Variants in KLF12 observed in about 807,000 individuals in gnomAD.
KLF12 encodes the protein Krueppel-like factor 12.
A neutral mutation model predicts 37.8 loss-of-function variants in KLF12; 9 were observed. The ratio of observed to expected loss-of-function variants is 0.24; its 90% CI spans 0.14 to 0.42. The LOEUF is 0.42. KLF12 is among the 10% of genes least tolerant of loss of function. The probability of loss-of-function intolerance (pLI) is 1.00; values close to 1 mark genes in which losing one functional copy is unlikely to be tolerated. For synonymous variants in KLF12, 208 were observed against 202.1 expected, an observed-to-expected ratio of 1.03 and a Z score of -0.25; for missense variants, 411 against 516.0, an observed-to-expected ratio of 0.80 and a Z score of 1.97.
At chr13:73,699,746 G>A (rs1874410431) in intron 7 of KLF12, among the ~76,000 whole-genome samples, 1 of 152,160 alleles carries the variant, frequency 6.6e-6, no homozygotes. Context: ...TGAGATGTTT[G>A]GAACTGTTTC....
At chr13:73,989,460 G>A (rs373149046) in intron 2 of KLF12, among the ~76,000 whole-genome samples, 23 of 152,180 alleles carry the variant, frequency 1.5e-4, no homozygotes, top group African/African-American at 5.3e-4. Context: ...CAAACACACA[G>A]GCACTGCCTT....
chr13:73,899,524 A>C (rs1036747579), intron 3 of KLF12, among the ~76,000 whole-genome samples: 5 of 152,204 alleles, frequency 3.3e-5, no homozygotes, highest in African/African-American at 9.7e-5. Context: ...TGGCTTAAGG[A>C]ATATGCAGAC....
At chr13:73,733,545 C>T (rs942848745) in intron 6 of KLF12, among the ~76,000 whole-genome samples, 1 of 150,584 alleles carries the variant, frequency 6.6e-6, no homozygotes, top group African/African-American at 2.5e-5. Context: ...CACATGCACA[C>T]TCACACACAC....
intron 6 of KLF12, among the ~76,000 whole-genome samples, chr13:73,722,834 C>T (rs1876369873): frequency 6.6e-6 from 1 of 152,114 alleles, no homozygotes. Context: ...TATTGTTTTA[C>T]TTTAATAAAC....
At chr13:74,089,484 T>C (rs910101373) in intron 1 of KLF12, among the ~76,000 whole-genome samples, 7 of 152,102 alleles carry the variant, frequency 4.6e-5, no homozygotes, top group African/African-American at 1.7e-4. Flanking sequence ...ATTTAAAAAT[T>C]GTGACAAAGA....
intron 4 of KLF12, among the ~76,000 whole-genome samples, chr13:73,840,334 T>C (rs1174825554): frequency 1.3e-5 from 2 of 152,110 alleles, no homozygotes; most frequent in Non-Finnish European, 2.9e-5. Flanking sequence ...CTTCTCCTTC[T>C]CCATTTGGCT....
intron 2 of KLF12, among the ~76,000 whole-genome samples, chr13:73,950,189 A>G (rs1890593054): frequency 1.3e-5 from 2 of 152,182 alleles, no homozygotes; most frequent in South Asian, 2.1e-4. Context: ...TTATACTAAT[A>G]TTTTAAAAAA....
At chr13:73,730,633 T>C (rs1226684375) in intron 6 of KLF12, among the ~76,000 whole-genome samples, 1 of 151,936 alleles carries the variant, frequency 6.6e-6, no homozygotes, top group Admixed American at 6.6e-5. Flanking sequence ...CTGATTCTGT[T>C]TGGAAAGTCA....
rs145728524 is a variant in KLF12 at position 73,799,649 on chromosome 13, T to C, written c.806+13503A>G. Among the ~76,000 whole-genome samples the C allele has an allele frequency of 1.3e-3, 197 of 152,288 alleles. 1 individual carries two copies. Among genetic ancestry groups the C allele is most frequent in the African/African-American group, 4.4e-3 (183 of 41,576 alleles). On this transcript the variant is annotated intron_variant, in intron 5 of 7. Transcript: ENST00000377669. ...TCACCCTACAATGTAATGTACCCAA[T>C]AAAAGATGACAGAAGGATATTTTAA...
At chr13:74,044,028 T>C (rs999995478) in intron 1 of KLF12, among the ~76,000 whole-genome samples, 2 of 152,338 alleles carry the variant, frequency 1.3e-5, no homozygotes, top group African/African-American at 4.8e-5. Context: ...AATAAATAAT[T>C]TCTCCAGTCA....
the KLF12 span, among the ~76,000 whole-genome samples, chr13:74,163,825 A>G: frequency 1.4e-4 from 14 of 101,970 alleles, no homozygotes; most frequent in South Asian, 6.2e-3. Flanking sequence ...GTATCAAAAC[A>G]TCTTGTGCAC....
At chr13:73,994,307 G>A (rs149594343) in intron 2 of KLF12, among the ~76,000 whole-genome samples, 70 of 152,256 alleles carry the variant, frequency 4.6e-4, no homozygotes, top group Non-Finnish European at 7.9e-4. Flanking sequence ...CCTGTTCAGT[G>A]TAAAACCCTA....
rs1452206776 is a variant in KLF12, at chr13:73,686,223, A to T, written c.*9267T>A. 1 of 152,664 alleles carries T rather than the reference A, an allele frequency of 6.6e-6. No individual in the cohort carries two copies. Among genetic ancestry groups the T allele is most frequent in the African/African-American group, 2.4e-5 (1 of 41,464 alleles). The allele number at this position is 152,664 out of a possible 1,614,324, so 9.5% of individuals were successfully genotyped here. ...ATAGGAAAGTTGAATACAGAAAAGCAATGCACCAACAGAATATGTCTGAGA... is the reference window on the plus strand; with the variant it reads ...ATAGGAAAGTTGAATACAGAAAAGCTATGCACCAACAGAATATGTCTGAGA... On this transcript the variant is annotated 3_prime_UTR_variant, in exon 8 of 8. Transcript: ENST00000377669.
At chr13:74,022,860 C>G (rs1892878647) in intron 1 of KLF12, among the ~76,000 whole-genome samples, 1 of 150,302 alleles carries the variant, frequency 6.7e-6, no homozygotes, top group South Asian at 2.1e-4. Flanking sequence ...GAGATCTCAT[C>G]CATCCATCCA....
chr13:74,193,049 G>A, the KLF12 span, among the ~76,000 whole-genome samples: 1 of 150,656 alleles, frequency 6.6e-6, no homozygotes, highest in East Asian at 2.0e-4. Flanking sequence ...TGTGATCTCG[G>A]CTCACTGCAA....
At chr13:73,926,493 G>C (rs1889382225) in intron 3 of KLF12, among the ~76,000 whole-genome samples, 1 of 151,542 alleles carries the variant, frequency 6.6e-6, no homozygotes, top group Non-Finnish European at 1.5e-5. Context: ...TATGTACTAG[G>C]AAACAAAAAA....
chr13:74,099,183 T>C (rs1042049483), intron 1 of KLF12, among the ~76,000 whole-genome samples: 6 of 151,918 alleles, frequency 3.9e-5, no homozygotes, highest in Non-Finnish European at 7.4e-5. Context: ...CCTCAAAGAA[T>C]AAAAAATTTA....
At chr13:74,211,262 G>T in the KLF12 span, among the ~76,000 whole-genome samples, 1 of 152,094 alleles carries the variant, frequency 6.6e-6, no homozygotes, top group African/African-American at 2.4e-5. Flanking sequence ...TGTTGTTTGG[G>T]TTTTCAGCCA....
intron 3 of KLF12, among the ~76,000 whole-genome samples, chr13:73,910,728 T>C (rs951881352): frequency 1.3e-4 from 20 of 152,180 alleles, no homozygotes; most frequent in Non-Finnish European, 2.1e-4. Context: ...GTTTGAATAT[T>C]TGTCCCCTCC....
Sources: allele counts gnomAD v4.1 joint callset (sites outside exome capture counted in the v4.1 genomes callset), GRCh38; gene constraint gnomAD v4.1.1; transcripts MANE v1.5; gene names NCBI Gene and HGNC (gene_info 2026-07-23, HGNC 2026-07-21).